CDKAL1: variants seen among roughly 807,000 people sequenced by gnomAD.
The protein encoded by CDKAL1 is threonylcarbamoyladenosine tRNA methylthiotransferase.
Under a neutral mutation model 68.2 loss-of-function variants are expected in CDKAL1, and 32 were observed. The ratio of observed to expected loss-of-function variants is 0.47; its 90% CI spans 0.35 to 0.63. CDKAL1 has a LOEUF of 0.63. Among genes scored for constraint, CDKAL1 ranks in the 30% least tolerant of loss-of-function variants. CDKAL1 has a pLI of 0.00. For synonymous variants in CDKAL1, 234 were observed against 244.3 expected (o/e 0.96, Z 0.39); for missense variants, 606 against 696.7 (o/e 0.87, Z 1.47).
chr6:20,948,126 C>T (rs1764346301), intron 9 of CDKAL1, among the ~76,000 whole-genome samples: 1 of 151,356 alleles, frequency 6.6e-6, no homozygotes, highest in South Asian at 2.1e-4. Context: ...TAGTGATCCT[C>T]CTGCCTGAGC....
chr6:20,778,818 T>C lies in CDKAL1; in HGVS notation c.518-2327T>C, dbSNP rs1455199468. ...AGCCTTTTTTTTTAAATTGAGACTT[T>C]TATTTAATTGGACGAGGCTCATCCA... On this transcript the variant is annotated intron_variant, in intron 7 of 15. Transcript: ENST00000274695. Among the ~76,000 whole-genome samples the C allele has an allele frequency of 6.6e-5, 10 of 152,148 alleles. No homozygotes were observed. In the East Asian group the frequency reaches 1.9e-3, roughly 29 times the overall value.
At chr6:20,947,002 A>G (rs1331841512) in intron 9 of CDKAL1, among the ~76,000 whole-genome samples, 3 of 152,198 alleles carry the variant, frequency 2.0e-5, no homozygotes, top group African/African-American at 7.2e-5. Context: ...TCACTTGAAT[A>G]GATTTCACGT....
At chr6:21,129,611 T>C (rs996689909) in intron 13 of CDKAL1, among the ~76,000 whole-genome samples, 3 of 148,166 alleles carry the variant, frequency 2.0e-5, no homozygotes, top group Admixed American at 1.4e-4. Context: ...GGCACGTTGA[T>C]GTGTTCCAGC....
intron 13 of CDKAL1, among the ~76,000 whole-genome samples, chr6:21,190,406 C>A (rs1255578689): frequency 6.7e-6 from 1 of 149,708 alleles, no homozygotes; most frequent in African/African-American, 2.5e-5. Flanking sequence ...TCATTCTTGT[C>A]GCCCAGGCTG....
At position 20,981,668 on chromosome 6, in the gene CDKAL1, C is replaced by G. The variant is rs373044721; in HGVS notation, c.910-18559C>G. Among the ~76,000 whole-genome samples, 8 of 152,256 alleles carry G rather than the reference C, an allele frequency of 5.3e-5. No individual in the cohort carries two copies. The East Asian group carries it at 1.4e-3, about 26-fold the overall frequency. On this transcript the variant is annotated intron_variant, in intron 10 of 15. Coordinates refer to ENST00000274695, the MANE Select transcript of CDKAL1 (RefSeq NM_017774.3). ...CAGCCTGGCCAACATGGTGAAACCCCGTCTCTACTAAAAATACGAAGAATT... is the reference window on the plus strand; with the variant it reads ...CAGCCTGGCCAACATGGTGAAACCCGGTCTCTACTAAAAATACGAAGAATT...
intron 4 of CDKAL1, among the ~76,000 whole-genome samples, chr6:20,575,648 G>A (rs1384988600): frequency 1.3e-5 from 2 of 151,890 alleles, no homozygotes; most frequent in African/African-American, 2.4e-5. Context: ...TTGATTACAG[G>A]GTTTCTATTT....
At chr6:21,169,332 A>G (rs1777280836) in intron 13 of CDKAL1, among the ~76,000 whole-genome samples, 2 of 152,216 alleles carry the variant, frequency 1.3e-5, no homozygotes, top group East Asian at 1.9e-4. Context: ...TGAAAAAGTG[A>G]TAGAAAAGTC....
intron 11 of CDKAL1, among the ~76,000 whole-genome samples, chr6:21,045,457 T>C (rs1397481240): frequency 6.6e-6 from 1 of 152,206 alleles, no homozygotes; most frequent in East Asian, 1.9e-4. Flanking sequence ...AGTCAGGGGC[T>C]AGTTGTACCT....
chr6:20,750,862 G>A (rs1773885183), intron 6 of CDKAL1, among the ~76,000 whole-genome samples: 1 of 143,740 alleles, frequency 7.0e-6, no homozygotes, highest in African/African-American at 2.6e-5. Flanking sequence ...TACTCAGGAG[G>A]CTGAGGCAGG....
intron 9 of CDKAL1, among the ~76,000 whole-genome samples, chr6:20,882,216 T>G (rs180851754): frequency 5.3e-5 from 8 of 152,252 alleles, no homozygotes; most frequent in African/African-American, 1.9e-4. Flanking sequence ...GAAGGGGCAT[T>G]CCTGTCTCCA....
intron 5 of CDKAL1, among the ~76,000 whole-genome samples, chr6:20,681,339 C>G (rs537911883): frequency 6.6e-6 from 1 of 152,310 alleles, no homozygotes; most frequent in South Asian, 2.1e-4. Context: ...CTTGTTTTTA[C>G]CCTGGCACTG....
At chr6:21,010,664 A>G (rs950311047) in intron 11 of CDKAL1, among the ~76,000 whole-genome samples, 3 of 152,190 alleles carry the variant, frequency 2.0e-5, no homozygotes, top group African/African-American at 7.2e-5. Flanking sequence ...GTACTTTTGA[A>G]TGTTCTAGTC....
At chr6:20,624,155 T>G (rs557200156) in intron 4 of CDKAL1, among the ~76,000 whole-genome samples, 1 of 152,030 alleles carries the variant, frequency 6.6e-6, no homozygotes, top group Admixed American at 6.6e-5. Context: ...TTTTCAAAAT[T>G]TATGAGCAGA....
intron 12 of CDKAL1, among the ~76,000 whole-genome samples, chr6:21,078,008 T>C (rs1772168801): frequency 6.6e-6 from 1 of 152,134 alleles, no homozygotes; most frequent in Admixed American, 6.5e-5. Context: ...ACCACGGGCA[T>C]AAAATGCAGG....
rs552051372 is a variant in CDKAL1 at position 21,230,858 on chromosome 6, A to G, written c.1559A>G (p.Asn520Ser). ...TTTCTCTCTTTATAGGACTTCAGAA[A>G]TGGGCTTGGGAACCAGCTGAGTTCA... ...EVSGLTKDFR[N>S]GLGNQLSSGS... Residue 520 changes from asparagine (N) to serine (S), a missense_variant, in exon 16 of 16, where the codon AAT becomes AGT. Physicochemically the swap from Asn to Ser is conservative, Grantham distance 46. Coordinates refer to ENST00000274695, the MANE Select transcript of CDKAL1 (RefSeq NM_017774.3). 7.5e-6 allele frequency: 12 copies of G among 1,601,890 alleles called. No individual in the cohort carries two copies. Among genetic ancestry groups the G allele is most frequent in the Admixed American group, 1.7e-5 (1 of 59,118 alleles).
intron 9 of CDKAL1, among the ~76,000 whole-genome samples, chr6:20,908,314 C>T (rs891979272): frequency 2.6e-4 from 39 of 152,160 alleles, no homozygotes; most frequent in African/African-American, 8.7e-4. Flanking sequence ...GAATTGAATT[C>T]TGTCTGTATT....
At chr6:20,981,890 A>C (rs1766169635) in intron 10 of CDKAL1, among the ~76,000 whole-genome samples, 1 of 152,162 alleles carries the variant, frequency 6.6e-6, no homozygotes, top group Non-Finnish European at 1.5e-5. Flanking sequence ...CTTCCTTCCT[A>C]GTTCACTTCA....
intron 13 of CDKAL1, among the ~76,000 whole-genome samples, chr6:21,149,285 A>G (rs560616436): frequency 3.9e-5 from 6 of 152,058 alleles, no homozygotes; most frequent in Non-Finnish European, 8.8e-5. Context: ...GATTACAGGC[A>G]TGCCCCACCT....
chr6:21,200,736 A>C (rs562293347), intron 14 of CDKAL1: 1 of 160,756 alleles, frequency 6.2e-6, no homozygotes, highest in Admixed American at 6.1e-5. Flanking sequence ...GCACTGGAAA[A>C]GCACTGCCCA....
Sources: gnomAD v4.1 joint callset for allele counts (sites outside exome capture counted in the v4.1 genomes callset) on GRCh38, gnomAD v4.1.1 for gene constraint, MANE v1.5 for transcripts, NCBI Gene and HGNC (gene_info 2026-07-23, HGNC 2026-07-21) for gene names.